The following TPD52 variants were observed in gnomAD, a reference collection of about 807,000 sequenced individuals.
The protein encoded by TPD52 is prostate and colon associated protein.
Under a neutral mutation model 31.3 loss-of-function variants are expected in TPD52, and 17 were observed. The observed-to-expected ratio is 0.54, with a 90% CI of 0.37 to 0.82. The LOEUF is 0.82. TPD52 is among the 40% of genes least tolerant of loss of function. TPD52 has a pLI of 0.00. For missense variants in TPD52, 212 were observed against 240.1 expected (o/e 0.88, Z 0.77); for synonymous variants, 83 against 89.6 (o/e 0.93, Z 0.42).
intron 5 of TPD52, among the ~76,000 whole-genome samples, chr8:80,047,394 A>G (rs1354204887): frequency 6.6e-6 from 1 of 152,218 alleles, no homozygotes; most frequent in African/African-American, 2.4e-5. Flanking sequence ...ATTAGCATCT[A>G]CTGTATATTA....
chr8:80,125,368 C>G (rs1356140817), intron 1 of TPD52, among the ~76,000 whole-genome samples: 1 of 152,066 alleles, frequency 6.6e-6, no homozygotes, highest in South Asian at 2.1e-4. Context: ...CAGGGAGCTA[C>G]GATCCTGCCA....
intron 1 of TPD52, among the ~76,000 whole-genome samples, chr8:80,094,428 TTTTATATATATATATATA>T (rs1477306642): frequency 0.011 from 756 of 69,094 alleles, 9 homozygotes; most frequent in Middle Eastern, 0.024. Flanking sequence ...CAAAAGAAAA[TTTTATATATATATATATA>T]TATATATATA....
chr8:80,077,808 T>C (rs572077612), intron 1 of TPD52, among the ~76,000 whole-genome samples: 1 of 152,328 alleles, frequency 6.6e-6, no homozygotes, highest in South Asian at 2.1e-4. Flanking sequence ...TTCTTGGTGC[T>C]TGGGGAAACA....
chr8:80,093,279 C>T (rs1816430776), intron 1 of TPD52, among the ~76,000 whole-genome samples: 1 of 152,128 alleles, frequency 6.6e-6, no homozygotes, highest in Non-Finnish European at 1.5e-5. Context: ...TTTGAGAGTA[C>T]AGTGGTCTCT....
chr8:80,133,752 T>C (rs930744210), intron 1 of TPD52, among the ~76,000 whole-genome samples: 2 of 148,196 alleles, frequency 1.3e-5, no homozygotes, highest in Non-Finnish European at 3.0e-5. Flanking sequence ...AGGAACTTGA[T>C]GGTACCGCTG....
chr8:80,143,052 A>T (rs1256403432), intron 1 of TPD52, among the ~76,000 whole-genome samples: 3 of 152,182 alleles, frequency 2.0e-5, no homozygotes, highest in African/African-American at 7.2e-5. Flanking sequence ...AATTAAATAG[A>T]TGGGGTCTGG....
intron 5 of TPD52, among the ~76,000 whole-genome samples, chr8:80,048,325 C>T (rs762612985): frequency 3.5e-4 from 53 of 152,162 alleles, no homozygotes; most frequent in Non-Finnish European, 7.1e-4. Context: ...AAAACTGTTG[C>T]TGAGTCTAAC....
chr8:80,117,392 C>T (rs184247075), intron 1 of TPD52, among the ~76,000 whole-genome samples: 1 of 152,198 alleles, frequency 6.6e-6, no homozygotes, highest in East Asian at 1.9e-4. Flanking sequence ...ATTGTATTTA[C>T]AACAGCATTG....
At chr8:80,134,414 G>A (rs1315703257) in intron 1 of TPD52, among the ~76,000 whole-genome samples, 6 of 152,150 alleles carry the variant, frequency 3.9e-5, no homozygotes, top group African/African-American at 1.4e-4. Context: ...CATCTCATTT[G>A]AGTCACACAA....
intron 1 of TPD52, among the ~76,000 whole-genome samples, chr8:80,117,997 G>T (rs1807992649): frequency 6.6e-6 from 1 of 152,034 alleles, no homozygotes; most frequent in East Asian, 1.9e-4. Flanking sequence ...CTCCCAAAGT[G>T]CCAGGATTAC....
chr8:80,107,532 A>C (rs12680678), intron 1 of TPD52, among the ~76,000 whole-genome samples: 50,705 of 152,052 alleles, frequency 0.33, 9,920 homozygotes, highest in East Asian at 0.72. Context: ...AGTGACTCAA[A>C]CCAGACGTTA....
Position 80,169,008 on chromosome 8 carries a change from A to G in TPD52, c.19+2417T>C, listed in dbSNP as rs546145333. Among the ~76,000 whole-genome samples, 126 of 152,262 alleles carry G rather than the reference A, an allele frequency of 8.3e-4. 1 individual carries two copies. Among genetic ancestry groups the G allele is most frequent in the African/African-American group, 2.9e-3 (119 of 41,554 alleles). ...TTTGTGTTTGTTTGTTTTTTGAGATAGAGTCTCGCTCTGTCGCCCAGGCTG... is the reference window on the plus strand; with the variant it reads ...TTTGTGTTTGTTTGTTTTTTGAGATGGAGTCTCGCTCTGTCGCCCAGGCTG... On this transcript the variant is annotated intron_variant, in intron 1 of 7. Coordinates refer to ENST00000518937, the MANE Select transcript of TPD52 (RefSeq NM_001025253.3).
chr8:80,161,712 T>TTATA (rs1319779195), intron 1 of TPD52, among the ~76,000 whole-genome samples: 97 of 140,600 alleles, frequency 6.9e-4, no homozygotes, highest in Middle Eastern at 3.6e-3. Context: ...AAGAACACAT[T>TTATA]TATATATATA....
rs576794995 is a variant in TPD52, at chr8:80,156,184, G to A, written c.19+15241C>T. ...TGAAGGTGCACCCGCTCACATGAGG[G>A]GCTACTGACACCAGGAAGACCTAGC... On this transcript the variant is annotated intron_variant, in intron 1 of 7. Coordinates refer to ENST00000518937, the MANE Select transcript of TPD52 (RefSeq NM_001025253.3). 6.6e-5 allele frequency among the ~76,000 whole-genome samples: 10 copies of A among 152,218 alleles called. No individual in the cohort carries two copies. In the East Asian group the frequency reaches 1.4e-3, roughly 21 times the overall value.
chr8:80,126,674 G>C lies in TPD52; in HGVS notation c.19+44751C>G, dbSNP rs1370313694. Reference sequence around the variant, plus strand: ...TTTTTGTATTTTTTGGTAAAGATGGGGTTTCACCACGTTGACCGGGCTGGT... The same window carrying C: ...TTTTTGTATTTTTTGGTAAAGATGGCGTTTCACCACGTTGACCGGGCTGGT... On this transcript the variant is annotated intron_variant, in intron 1 of 7. Transcript: ENST00000518937. Among the ~76,000 whole-genome samples the C allele has an allele frequency of 4.0e-5, 6 of 151,602 alleles. No individual in the cohort carries two copies. The East Asian group carries it at 9.7e-4, about 24-fold the overall frequency.
chr8:80,140,735 G>A (rs924283031), intron 1 of TPD52, among the ~76,000 whole-genome samples: 7 of 152,144 alleles, frequency 4.6e-5, no homozygotes, highest in Admixed American at 1.3e-4. Context: ...TATGATGTAC[G>A]TAAAAGGGTT....
chr8:80,081,822 G>A (rs980089945), intron 1 of TPD52, among the ~76,000 whole-genome samples: 11 of 151,458 alleles, frequency 7.3e-5, no homozygotes, highest in Non-Finnish European at 1.2e-4. Flanking sequence ...TTTTGTTTTC[G>A]ATACAGAGCT....
downstream of TPD52, chr8:80,033,307 G>A (rs529561167): frequency 3.3e-5 from 5 of 149,880 alleles, no homozygotes; most frequent in African/African-American, 1.2e-4. Flanking sequence ...CGGCGGGGCG[G>A]GGAGGGGGGT....
At chr8:80,099,139 G>C (rs1297751372) in intron 1 of TPD52, among the ~76,000 whole-genome samples, 1 of 152,054 alleles carries the variant, frequency 6.6e-6, no homozygotes, top group Non-Finnish European at 1.5e-5. Flanking sequence ...CATACACTGG[G>C]AAACCAAAAA....
Sources: gnomAD v4.1 joint callset for allele counts (sites outside exome capture counted in the v4.1 genomes callset) on GRCh38, gnomAD v4.1.1 for gene constraint, MANE v1.5 for transcripts, NCBI Gene and HGNC (gene_info 2026-07-23, HGNC 2026-07-21) for gene names.